ACBD4: variants seen among roughly 807,000 people sequenced by gnomAD.
The protein encoded by ACBD4 is acyl-CoA binding domain containing 4.
Under a neutral mutation model 46.0 loss-of-function variants are expected in ACBD4, and 41 were observed. That is an observed-to-expected ratio of 0.89 (90% confidence interval 0.69 to 1.16). ACBD4 has a LOEUF of 1.16. ACBD4 is among the 50% of genes most tolerant of loss of function. The probability of loss-of-function intolerance (pLI) is 0.00; values close to 1 mark genes in which losing one functional copy is unlikely to be tolerated. For missense variants in ACBD4, 393 were observed against 399.5 expected, an observed-to-expected ratio of 0.98 and a Z score of 0.14; for synonymous variants, 162 against 155.9, an observed-to-expected ratio of 1.04 and a Z score of -0.29.
upstream of ACBD4, chr17:45,132,277 C>T: frequency 1.6e-6 from 2 of 1,274,428 alleles, no homozygotes; most frequent in Non-Finnish European, 2.0e-6. The surrounding 1 kb of genome is among the most constrained non-coding windows in gnomAD (Gnocchi z 4.6). Flanking sequence ...CAGCCCGGGC[C>T]TCTTGGTGCC....
At chr17:45,137,854 C>CT in intron 7 of ACBD4, 24 bp downstream of exon 7, 1 of 1,612,998 alleles carries the variant, frequency 6.2e-7, no homozygotes, top group Non-Finnish European at 8.5e-7. Flanking sequence ...CCATTCCCCC[C>CT]TTTTCCCACC....
rs765432076 is a variant in ACBD4, at chr17:45,137,003, A to T, written c.295-16A>T. 1.2e-6 allele frequency: 2 copies of T among 1,613,280 alleles called. No individual in the cohort carries two copies. The highest frequency in any genetic ancestry group is 4.5e-5 in the East Asian group (2 of 44,838). On this transcript the variant is annotated splice_polypyrimidine_tract_variant and intron_variant, in intron 4 of 9. Transcript: ENST00000321854. Reference sequence around the variant, plus strand: ...CAGGAGGCCACTCCGTCCCCAACAGACCCCCTCCCCTACAGGTGATCGACA... The same window carrying T: ...CAGGAGGCCACTCCGTCCCCAACAGTCCCCCTCCCCTACAGGTGATCGACA...
chr17:45,136,321 T>A, intron 2 of ACBD4, 89 bp downstream of exon 2: 1 of 1,564,036 alleles, frequency 6.4e-7, no homozygotes, highest in South Asian at 1.1e-5. Flanking sequence ...CACTGCAGTT[T>A]TTGCAGACAA....
chr17:45,135,159 T>A (rs1296324321), upstream of ACBD4, among the ~76,000 whole-genome samples: 1 of 152,068 alleles, frequency 6.6e-6, no homozygotes, highest in Non-Finnish European at 1.5e-5. Flanking sequence ...AGAGATGGGG[T>A]TTCACTATGT....
In ACBD4 at chr17:45,139,062, G is replaced by C. The variant is rs376543418; in HGVS notation, c.691G>C (p.Val231Leu). 1.7e-5 allele frequency: 27 copies of C among 1,613,698 alleles called. No homozygotes were observed. Among genetic ancestry groups the C allele is most frequent in the Non-Finnish European group, 2.3e-5 (27 of 1,180,038 alleles). The part of the protein sequence containing the change: ...GSPPGPQELD[V>L]WLLGTVRALQ... ...CCCGCCGGGGCCCCAGGAGTTGGAC[G>C]TGTGGCTGCTGGGGACAGTTCGAGC... The change falls in exon 9 of 10, where the codon GTG becomes CTG. Residue 231 changes from valine to leucine, a missense_variant. Coordinates refer to ENST00000321854, the MANE Select transcript of ACBD4 (RefSeq NM_001135705.3).
chr17:45,136,463 G>T (rs761147266), intron 2 of ACBD4, 37 bp from the exon 3 acceptor site: 122 of 1,598,552 alleles, frequency 7.6e-5, no homozygotes, highest in Non-Finnish European at 9.7e-5. Flanking sequence ...GGAGCTGGGA[G>T]TGATGCTTTG....
At chr17:45,133,214 G>A (rs947820958), upstream of ACBD4, 3 of 152,296 alleles carry the variant, frequency 2.0e-5, no homozygotes, top group Admixed American at 6.5e-5. Flanking sequence ...GGGCATCCGT[G>A]TGCAGGTTCT....
intron 9 of ACBD4, among the ~76,000 whole-genome samples, chr17:45,140,658 CAA>C (rs35492972): frequency 1.7e-4 from 22 of 130,826 alleles, no homozygotes; most frequent in Admixed American, 2.2e-4. Flanking sequence ...GATCCTGCCT[CAA>C]AAAAAAAAAA....
rs1291653435 is a variant in ACBD4, at chr17:45,137,151, A to C, written c.415+12A>C. ...GAGAAGGGTCACAGGTCAGACTCCCAGGCTGGGAGCTCCAAAAGTGCTGAG... is the reference window on the plus strand; with the variant it reads ...GAGAAGGGTCACAGGTCAGACTCCCCGGCTGGGAGCTCCAAAAGTGCTGAG... On this transcript the variant is annotated intron_variant, in intron 5 of 9. Transcript: ENST00000321854. The C allele has an allele frequency of 6.2e-7, 1 of 1,613,974 alleles. No homozygotes were observed.
rs1028186515 is a variant in ACBD4, at chr17:45,137,522, A to C, written c.502+68A>C. 1.3e-5 allele frequency: 21 copies of C among 1,557,280 alleles called. No individual in the cohort carries two copies. In the South Asian group the frequency reaches 2.2e-4, roughly 17 times the overall value. On this transcript the variant is annotated intron_variant, in intron 6 of 9. Transcript: ENST00000321854. ...GGAGGGCTGGAGGGGAGAAGGCTGG[A>C]TGCCACGCTGTGCCCTCCACAGACA...
intron 5 of ACBD4, 28 bp downstream of exon 5, chr17:45,137,167 A>C (rs1371972800): frequency 1.2e-6 from 2 of 1,613,676 alleles, no homozygotes; most frequent in Non-Finnish European, 1.7e-6. Flanking sequence ...GGAGCTCCAA[A>C]AGTGCTGAGT....
chr17:45,141,244 C>T (rs2055252418), intron 9 of ACBD4, among the ~76,000 whole-genome samples: 1 of 150,674 alleles, frequency 6.6e-6, no homozygotes. Context: ...TAGCCCAGTC[C>T]TTCTCCTTGC....
At chr17:45,138,260 G>C (rs2055003893) in intron 8 of ACBD4, 1 of 561,942 alleles carries the variant, frequency 1.8e-6, no homozygotes, top group African/African-American at 1.9e-5. Flanking sequence ...TCCTAGCCCA[G>C]TTCTCCCACC....
rs2054918155 is a variant in ACBD4 at position 45,137,288 on chromosome 17, T to A, written c.416-80T>A. On this transcript the variant is annotated intron_variant, in intron 5 of 9. Coordinates refer to ENST00000321854, the MANE Select transcript of ACBD4 (RefSeq NM_001135705.3). ...GTGGATCCCAGGCAGCATCCACGGC[T>A]CATCACGAGTAGGGGCTTGATCACA... 3 of 1,599,894 alleles carry A rather than the reference T, an allele frequency of 1.9e-6. No homozygotes were observed. In the South Asian group the frequency reaches 3.3e-5, roughly 18 times the overall value.
At chr17:45,137,237 T>C in intron 5 of ACBD4, 98 bp downstream of exon 5, 1 of 1,601,054 alleles carries the variant, frequency 6.2e-7, no homozygotes, top group Non-Finnish European at 8.5e-7. Context: ...GCGACATCCC[T>C]GTTAGGGCCC....
At chr17:45,136,270 G>C (rs769957662) in intron 2 of ACBD4, 38 bp downstream of exon 2, 1 of 1,607,264 alleles carries the variant, frequency 6.2e-7, no homozygotes, top group South Asian at 1.1e-5. Flanking sequence ...CTCGCATTCA[G>C]GACGCCTGGG....
chr17:45,142,413 A>G (rs2055340043), intron 9 of ACBD4, among the ~76,000 whole-genome samples: 1 of 149,388 alleles, frequency 6.7e-6, no homozygotes, highest in Non-Finnish European at 1.5e-5. Flanking sequence ...AAAAAAAAAA[A>G]AAAAAAGAAA....
chr17:45,136,941 G>A (rs1598073819), intron 4 of ACBD4, 78 bp from the exon 5 acceptor site: 4 of 1,605,708 alleles, frequency 2.5e-6, no homozygotes, highest in East Asian at 2.2e-5. Context: ...GGCACAGGGT[G>A]GAGGTGTGTG....
Position 45,143,560 on chromosome 17 carries a change from C to T in ACBD4, c.907C>T (p.Gln303Ter). The T allele has an allele frequency of 6.2e-7, 1 of 1,614,104 alleles. No homozygotes were observed. The highest frequency in any genetic ancestry group is 8.5e-7 in the Non-Finnish European group (1 of 1,180,006). ...GTGGCTCTTCCGAATGTTTCGGACC[C>T]AAAAGAGGTGACTGTCAGTGGAGGG... Reference protein sequence around the residue: ...VQWLFRMFRTQKR With the variant: ...VQWLFRMFRT Residue 303 changes from glutamine to a stop codon, truncating the protein, a stop_gained, in exon 10 of 10, where the codon CAA (glutamine) becomes TAA (stop). Transcript: ENST00000321854. LOFTEE classifies it high-confidence loss of function.
Sources: allele counts gnomAD v4.1 joint callset (sites outside exome capture counted in the v4.1 genomes callset), GRCh38; gene constraint gnomAD v4.1.1; non-coding constraint Gnocchi (gnomAD v3.1); transcripts MANE v1.5; gene names NCBI Gene and HGNC (gene_info 2026-07-23, HGNC 2026-07-21).